Variants in PCDHA7 observed in about 807,000 individuals in gnomAD.
PCDHA7 encodes the protein protocadherin alpha-7.
Under a neutral mutation model 57.2 loss-of-function variants are expected in PCDHA7, and 37 were observed. The observed-to-expected ratio is 0.65, with a 90% confidence interval of 0.50 to 0.85. The LOEUF is 0.85. Ranked by LOEUF, PCDHA7 falls within the 40% of genes least tolerant of loss-of-function variation. The pLI, the probability that PCDHA7 is intolerant of heterozygous loss-of-function variation, is 0.00. For missense variants in PCDHA7, 1,188 were observed against 1,241.8 expected (o/e 0.96, Z 0.65); for synonymous variants, 553 against 558.8 (o/e 0.99, Z 0.15).
intron 1 of PCDHA7, among the ~76,000 whole-genome samples, chr5:140,974,875 A>G (rs934874769): frequency 1.6e-4 from 24 of 152,174 alleles, no homozygotes; most frequent in Non-Finnish European, 1.9e-4. Context: ...GGAACAGTCT[A>G]TGTATCCCTT....
Position 140,871,086 on chromosome 5 carries a change from G to C in PCDHA7, c.2355+34348G>C, listed in dbSNP as rs556097993. The C allele has an allele frequency of 1.9e-6, 3 of 1,613,256 alleles. No individual in the cohort carries two copies. In the South Asian group the frequency reaches 3.3e-5, roughly 18 times the overall value. ...ACGGTGAGCCGGCGCTGACGGCCAC[G>C]GCCACCGTGCTGGTGTCGTTGGTGG... On this transcript the variant is annotated intron_variant, in intron 1 of 3. Coordinates refer to ENST00000525929, the MANE Select transcript of PCDHA7 (RefSeq NM_018910.3).
Position 140,849,743 on chromosome 5 carries a change from G to C in PCDHA7, c.2355+13005G>C. The C allele has an allele frequency of 1.9e-6, 3 of 1,598,504 alleles. No individual in the cohort carries two copies. The highest frequency in any genetic ancestry group is 2.6e-6 in the Non-Finnish European group (3 of 1,168,014). On this transcript the variant is annotated intron_variant, in intron 1 of 3. Transcript: ENST00000525929. ...TGCTGGACAGAGCTCTGGACCGCGA[G>C]AGTGTGTCCGCCTACGAGCTGGTGG...
In PCDHA7 at chr5:140,858,699, A is replaced by T; in HGVS notation, c.2355+21961A>T. ...GAATACACTAATATTTTCCAATACAAATATGTGATATAGGTTGCAGTTCTG... is the reference window on the plus strand; with the variant it reads ...GAATACACTAATATTTTCCAATACATATATGTGATATAGGTTGCAGTTCTG... On this transcript the variant is annotated intron_variant, in intron 1 of 3. Coordinates refer to ENST00000525929, the MANE Select transcript of PCDHA7 (RefSeq NM_018910.3). 3.6e-6 allele frequency: 2 copies of T among 561,894 alleles called. 1 individual carries two copies. The highest frequency in any genetic ancestry group is 6.1e-6 in the Non-Finnish European group (2 of 326,852). 34.8% of individuals were successfully genotyped at this position (561,894 alleles called of 1,614,324 possible).
At chr5:140,849,515 T>A (rs1400528164) in intron 1 of PCDHA7, 1 of 1,596,878 alleles carries the variant, frequency 6.3e-7, no homozygotes, top group Non-Finnish European at 8.6e-7. Flanking sequence ...TTGTGGAAGT[T>A]GTGGATGTAA....
chr5:140,874,676 G>A (rs1487161384), intron 1 of PCDHA7, among the ~76,000 whole-genome samples: 4 of 152,136 alleles, frequency 2.6e-5, no homozygotes, highest in African/African-American at 9.7e-5. Context: ...CTATTCCTGA[G>A]ATTTGTTTTA....
chr5:140,880,742 G>A, intron 1 of PCDHA7, among the ~76,000 whole-genome samples: 1 of 152,208 alleles, frequency 6.6e-6, no homozygotes, highest in East Asian at 1.9e-4. Flanking sequence ...AAAATGGATT[G>A]TCAGTGTAAC....
At chr5:140,891,838 A>G (rs1479578181) in intron 1 of PCDHA7, among the ~76,000 whole-genome samples, 1 of 152,164 alleles carries the variant, frequency 6.6e-6, no homozygotes, top group African/African-American at 2.4e-5. Context: ...AAAGGACTTG[A>G]TGGAAGGAGC....
At chr5:140,935,363 C>T (rs1005942314) in intron 1 of PCDHA7, among the ~76,000 whole-genome samples, 3 of 152,180 alleles carry the variant, frequency 2.0e-5, no homozygotes, top group African/African-American at 7.2e-5. Flanking sequence ...TTTTCATTAA[C>T]GTCAACAGAA....
intron 1 of PCDHA7, among the ~76,000 whole-genome samples, chr5:140,884,988 A>G (rs2060423125): frequency 6.6e-6 from 1 of 152,242 alleles, no homozygotes; most frequent in African/African-American, 2.4e-5. Context: ...CATTTAGAAA[A>G]TGTTTGTTTT....
In PCDHA7 at chr5:140,877,407, C is replaced by G. The variant is rs1554169686; in HGVS notation, c.2355+40669C>G. The G allele has an allele frequency of 1.2e-6, 2 of 1,613,824 alleles. No individual in the cohort carries two copies. The highest frequency in any genetic ancestry group is 2.7e-5 in the African/African-American group (2 of 74,928). On this transcript the variant is annotated intron_variant, in intron 1 of 3. Coordinates refer to ENST00000525929, the MANE Select transcript of PCDHA7 (RefSeq NM_018910.3). ...TGGATGAGGCGGACGCTCCGCGCCA[C>G]CGCCTGCTGGTGCTGGTGAAGGACC...
At chr5:140,925,994 G>C (rs1041576118) in intron 1 of PCDHA7, among the ~76,000 whole-genome samples, 1 of 152,138 alleles carries the variant, frequency 6.6e-6, no homozygotes, top group Non-Finnish European at 1.5e-5. Context: ...CGCTGGCTCC[G>C]CTGCCTCGAA....
chr5:140,863,773 C>T (rs1170536480), intron 1 of PCDHA7: 19 of 234,462 alleles, frequency 8.1e-5, no homozygotes, highest in African/African-American at 3.6e-4. Context: ...CCGAGGCGGG[C>T]GGATCACTCG....
At chr5:140,877,578 C>A (rs782777600) in intron 1 of PCDHA7, 6 of 1,613,700 alleles carry the variant, frequency 3.7e-6, no homozygotes, top group East Asian at 2.2e-5. Flanking sequence ...ACCTCATCAT[C>A]GCCATCTGTG....
At position 140,836,036 on chromosome 5, in the gene PCDHA7, G is replaced by T; in HGVS notation, c.1653G>T (p.Leu551=). 1 of 1,613,512 alleles carries T rather than the reference G, an allele frequency of 6.2e-7. No homozygotes were observed. The highest frequency in any genetic ancestry group is 8.5e-7 in the Non-Finnish European group (1 of 1,179,752). ...GVPPLGSNVT[L]QVFVLDENDN... is the part of the protein sequence containing the mutation. ...CGCCTCTGGGCAGCAACGTGACGCT[G>T]CAGGTGTTCGTGCTGGACGAGAACG... The change falls in exon 1 of 4, where the codon CTG becomes CTT. Residue 551 remains leucine (L), a synonymous_variant. Coordinates refer to ENST00000525929, the MANE Select transcript of PCDHA7 (RefSeq NM_018910.3).
intron 1 of PCDHA7, among the ~76,000 whole-genome samples, chr5:140,908,155 G>C (rs559304647): frequency 6.6e-6 from 1 of 152,194 alleles, no homozygotes; most frequent in Non-Finnish European, 1.5e-5. Context: ...TCCTAGGAAG[G>C]GGCTGTAGTG....
At chr5:140,936,212 A>C (rs1294255399) in intron 1 of PCDHA7, among the ~76,000 whole-genome samples, 1 of 152,126 alleles carries the variant, frequency 6.6e-6, no homozygotes, top group African/African-American at 2.4e-5. Context: ...TTTTTTATTT[A>C]GTATTCTTTC....
chr5:140,834,395 G>A lies in PCDHA7; in HGVS notation c.12G>A (p.Pro4=). 6.3e-7 allele frequency: 1 copy of A among 1,598,712 alleles called. No homozygotes were observed. Among genetic ancestry groups the A allele is most frequent in the Non-Finnish European group, 8.5e-7 (1 of 1,171,512 alleles). MVC[P]NGYDPGGRHL... Reference sequence around the variant, plus strand: ...GCCAATAATTTGAAATGGTGTGCCCGAATGGATACGACCCAGGGGGCCGAC... The same window carrying A: ...GCCAATAATTTGAAATGGTGTGCCCAAATGGATACGACCCAGGGGGCCGAC... The change falls in exon 1 of 4, where the codon CCG becomes CCA. Residue 4 remains proline (P), a synonymous_variant. Transcript: ENST00000525929.
chr5:140,992,017 C>CTGTGTGTG (rs10602499), intron 3 of PCDHA7, among the ~76,000 whole-genome samples: 149 of 145,626 alleles, frequency 1.0e-3, no homozygotes, highest in African/African-American at 2.4e-3. Flanking sequence ...AGAGGTGGCT[C>CTGTGTGTG]TGTGTGTGTG....
chr5:140,857,031 C>T (rs782539359), intron 1 of PCDHA7: 1 of 1,596,318 alleles, frequency 6.3e-7, no homozygotes, highest in Non-Finnish European at 8.6e-7. Flanking sequence ...GGAAACCCAC[C>T]TATGGTTGGT....
Sources: gnomAD v4.1 joint callset for allele counts (sites outside exome capture counted in the v4.1 genomes callset) on GRCh38, gnomAD v4.1.1 for gene constraint, MANE v1.5 for transcripts, NCBI Gene and HGNC (gene_info 2026-07-23, HGNC 2026-07-21) for gene names.